Variants in KCNH6 observed in about 807,000 individuals in gnomAD.
KCNH6 encodes the protein voltage-gated inwardly rectifying potassium channel KCNH6.
In KCNH6, 81 loss-of-function variants were observed where a neutral mutation model predicts 83.4. The ratio of observed to expected loss-of-function variants is 0.97; its 90% CI spans 0.81 to 1.17. KCNH6 has a LOEUF of 1.17. Among genes scored for constraint, KCNH6 ranks in the 50% most tolerant of loss-of-function variants. KCNH6 has a pLI of 0.00. For synonymous variants in KCNH6, 503 were observed against 545.6 expected (o/e 0.92, Z 1.09); for missense variants, 1,203 against 1,290.5 (o/e 0.93, Z 1.04).
Position 63,538,610 on chromosome 17 carries a change from C to T in KCNH6, c.1902C>T (p.Ile634=), listed in dbSNP as rs751119593. The T allele has an allele frequency of 1.9e-6, 3 of 1,609,618 alleles. No homozygotes were observed. Among genetic ancestry groups the T allele is most frequent in the Non-Finnish European group, 2.5e-6 (3 of 1,177,348 alleles). The part of the protein sequence containing the change: ...LGDVLSTLYF[I]SRGSIEILRD... ...ACGTGCTCTCCACCCTCTACTTCAT[C>T]TCCCGAGGCTCCATCGAGATCCTGC... is the stretch of plus-strand genomic sequence containing the variant. Residue 634 remains isoleucine, a synonymous_variant, in exon 8 of 13, where the codon ATC becomes ATT. Coordinates refer to ENST00000314672, the MANE Select transcript of KCNH6 (RefSeq NM_001278919.2). The surrounding 1 kb of genome is among the most constrained non-coding windows in gnomAD (Gnocchi z 4.0).
chr17:63,533,756 T>A lies in KCNH6; in HGVS notation c.676-130T>A. On this transcript the variant is annotated intron_variant, in intron 4 of 12. Transcript: ENST00000314672. This position sits in a 1 kb window ranked among gnomAD's most constrained non-coding sequence, Gnocchi z 4.1. Reference sequence around the variant, plus strand: ...CACCCCCCACCCCATCTCTCCCTCATCCCCTCTGCCCACCAGAGCCGTGGT... The same window carrying A: ...CACCCCCCACCCCATCTCTCCCTCAACCCCTCTGCCCACCAGAGCCGTGGT... 4.2e-6 allele frequency: 3 copies of A among 712,036 alleles called. No individual in the cohort carries two copies. Among genetic ancestry groups the A allele is most frequent in the African/African-American group, 1.8e-5 (1 of 56,200 alleles). The allele number at this position is 712,036 out of a possible 1,614,324, so 44.1% of individuals were successfully genotyped here. A position where few individuals can be genotyped will look rare whatever the true frequency, so the allele number is the denominator to read the frequency against.
rs1344588202 is a variant in KCNH6, at chr17:63,523,467, C to T, written c.54C>T (p.Ile18=). The change falls in exon 1 of 13, where the codon ATC becomes ATT. Residue 18 remains isoleucine, a synonymous_variant. Coordinates refer to ENST00000314672, the MANE Select transcript of KCNH6 (RefSeq NM_001278919.2). This position sits in a 1 kb window ranked among gnomAD's most constrained non-coding sequence, Gnocchi z 4.2. ...VAPQNTYLDT[I]IRKFEGQSRK... is the part of the protein sequence containing the mutation. ...CCCAAAACACTTACCTGGACACCAT[C>T]ATCCGCAAGTTCGAGGGCCAAAGTG... 6.2e-7 allele frequency: 1 copy of T among 1,608,002 alleles called. No homozygotes were observed. Among genetic ancestry groups the T allele is most frequent in the Non-Finnish European group, 8.5e-7 (1 of 1,177,252 alleles).
At chr17:63,530,051 C>A in intron 2 of KCNH6, 40 bp from the exon 3 acceptor site, 1 of 1,606,414 alleles carries the variant, frequency 6.2e-7, no homozygotes. Flanking sequence ...GAGGGGACCC[C>A]TTCAGGGCCC....
Position 63,544,275 on chromosome 17 carries a change from G to A in KCNH6, c.2260G>A (p.Asp754Asn), listed in dbSNP as rs1792821081. The change falls in exon 11 of 13, where the codon GAT becomes AAT. Residue 754 changes from aspartate to asparagine, a missense_variant. Transcript: ENST00000314672. ...SDAAPPLSIS[D>N]ASGLWPELLQ... ...TGCAGCCCCTCCCCTGAGCATCTCAGATGCATCTGGCCTCTGGCCTGAGCT... is the reference window on the plus strand; with the variant it reads ...TGCAGCCCCTCCCCTGAGCATCTCAAATGCATCTGGCCTCTGGCCTGAGCT... 1 of 1,599,822 alleles carries A rather than the reference G, an allele frequency of 6.3e-7. No individual in the cohort carries two copies. The highest frequency in any genetic ancestry group is 8.5e-7 in the Non-Finnish European group (1 of 1,172,864).
Position 63,524,260 on chromosome 17 carries a change from C to T in KCNH6, c.198C>T (p.Cys66=), listed in dbSNP as rs754730050. 9.9e-6 allele frequency: 16 copies of T among 1,613,938 alleles called. No homozygotes were observed. Among genetic ancestry groups the T allele is most frequent in the African/African-American group, 1.3e-5 (1 of 74,942 alleles). The change falls in exon 2 of 13, where the codon TGC becomes TGT. Residue 66 remains cysteine (C), a synonymous_variant. Coordinates refer to ENST00000314672, the MANE Select transcript of KCNH6 (RefSeq NM_001278919.2). ...RVEVMQQPCT[C]DFLTGPNTPS... ...AGGTGATGCAGCAACCCTGCACCTG[C>T]GACTTCCTCACAGGCCCCAACACAC...
rs2032364635 is a variant in KCNH6 at position 63,534,653 on chromosome 17, G to C, written c.1101+342G>C. On this transcript the variant is annotated intron_variant, in intron 5 of 12. Coordinates refer to ENST00000314672, the MANE Select transcript of KCNH6 (RefSeq NM_001278919.2). The surrounding 1 kb of genome is among the most constrained non-coding windows in gnomAD (Gnocchi z 5.0). ...CCCTGGAGGAAGAAAGGGATCCCCA[G>C]GCCACTCCCCCAGTGCACCCTGGCT... Among the ~76,000 whole-genome samples the C allele has an allele frequency of 6.6e-6, 1 of 152,040 alleles. No homozygotes were observed. The highest frequency in any genetic ancestry group is 2.1e-4 in the South Asian group (1 of 4,824).
Position 63,534,169 on chromosome 17 carries a change from G to A in KCNH6, c.959G>A (p.Arg320His), listed in dbSNP as rs985921190. ...MFVVDIVINF[R>H]TTYVNTNDEV... ...GTCGTGGACATCGTCATCAACTTCC[G>A]CACCACCTATGTCAACACCAATGAT... The change falls in exon 5 of 13, where the codon CGC (arginine) becomes CAC (histidine). Residue 320 changes from arginine to histidine, a missense_variant. Transcript: ENST00000314672. This position sits in a 1 kb window ranked among gnomAD's most constrained non-coding sequence, Gnocchi z 5.0. The A allele has an allele frequency of 3.7e-6, 6 of 1,601,222 alleles. No homozygotes were observed. Among genetic ancestry groups the A allele is most frequent in the East Asian group, 4.5e-5 (2 of 44,166 alleles).
chr17:63,543,129 C>T (rs2032956681), intron 9 of KCNH6, among the ~76,000 whole-genome samples: 1 of 152,172 alleles, frequency 6.6e-6, no homozygotes, highest in Admixed American at 6.5e-5. Context: ...AAACACAGAG[C>T]CCGGGCTATT....
At chr17:63,528,991 C>T (rs2031906089) in intron 2 of KCNH6, among the ~76,000 whole-genome samples, 3 of 152,242 alleles carry the variant, frequency 2.0e-5, no homozygotes, top group South Asian at 2.1e-4. Context: ...CGCACCACCA[C>T]GCCTGGCTAA....
rs752630789 is a variant in KCNH6 at position 63,538,298 on chromosome 17, G to GT, written c.1701+35dup. On this transcript the variant is annotated intron_variant, in intron 7 of 12. Transcript: ENST00000314672. This position sits in a 1 kb window ranked among gnomAD's most constrained non-coding sequence, Gnocchi z 4.0. ...CGCCGCTCCGGCTAATGCCCCGGGC[G>GT]TGGGGGGGAGCCAAGATCCTGCGGG... 4.7e-5 allele frequency: 72 copies of GT among 1,543,802 alleles called. No individual in the cohort carries two copies. In the Middle Eastern group the frequency reaches 5.2e-4, roughly 11 times the overall value.
At chr17:63,547,958 G>A (rs2033180059), downstream of KCNH6, among the ~76,000 whole-genome samples, 1 of 128,336 alleles carries the variant, frequency 7.8e-6, no homozygotes, top group African/African-American at 3.5e-5. Flanking sequence ...AGCAAGACTC[G>A]GTCTCTTAAA....
chr17:63,529,688 G>T (rs1460043563), intron 2 of KCNH6, among the ~76,000 whole-genome samples: 1 of 152,142 alleles, frequency 6.6e-6, no homozygotes. Context: ...TTGCAGGATG[G>T]GAATATGGGA....
chr17:63,542,753 C>T (rs1343606467), intron 9 of KCNH6, among the ~76,000 whole-genome samples: 1 of 152,190 alleles, frequency 6.6e-6, no homozygotes, highest in Non-Finnish European at 1.5e-5. Context: ...TAGTCAACGG[C>T]AGAGCCAAAA....
chr17:63,543,682 C>T lies in KCNH6; in HGVS notation c.2233+22C>T, dbSNP rs200358477. 6.7e-6 allele frequency: 10 copies of T among 1,492,444 alleles called. No homozygotes were observed. The East Asian group carries it at 2.3e-4, about 34-fold the overall frequency. The allele number at this position is 1,492,444 out of a possible 1,614,324, so 92.5% of individuals were successfully genotyped here. On this transcript the variant is annotated intron_variant, in intron 10 of 12. Coordinates refer to ENST00000314672, the MANE Select transcript of KCNH6 (RefSeq NM_001278919.2). ...TCAGGTGAGCAAAGCCAGCCCCCACCCCCACCAGCCTGTAGCCCCTGCCCA... is the reference window on the plus strand; with the variant it reads ...TCAGGTGAGCAAAGCCAGCCCCCACTCCCACCAGCCTGTAGCCCCTGCCCA...
Position 63,546,239 on chromosome 17 carries a change from CA to C in KCNH6, c.*355del, listed in dbSNP as rs79018117. 0.054 allele frequency: 3,514 copies of C among 65,476 alleles called. 55 individuals are homozygous for C. The highest frequency in any genetic ancestry group is 0.12 in the African/African-American group (2,023 of 17,414). The allele number at this position is 65,476 out of a possible 1,614,324, so 4.1% of individuals were successfully genotyped here. A position where few individuals can be genotyped will look rare whatever the true frequency, so the allele number is the denominator to read the frequency against. ...TGGGTGACAGAGTGAGACTCCAACT[CA>C]AAAAAAAAAAAAAAAAAGATCTTGG... On this transcript the variant is annotated 3_prime_UTR_variant, in exon 13 of 13. Coordinates refer to ENST00000314672, the MANE Select transcript of KCNH6 (RefSeq NM_001278919.2).
At position 63,544,413 on chromosome 17, in the gene KCNH6, T is replaced by C. The variant is rs771002979; in HGVS notation, c.2396+2T>C. On this transcript the variant is annotated splice_donor_variant, in intron 11 of 12. Transcript: ENST00000314672. LOFTEE classifies it high-confidence loss of function. ...GCAGCTCCAGGCCCAGATGAACAGG[T>C]GTGTGTGCTGTGGTCAGGGCTGGGG... is the stretch of plus-strand genomic sequence containing the variant. 1.1e-5 allele frequency: 17 copies of C among 1,556,926 alleles called. No homozygotes were observed. Among genetic ancestry groups the C allele is most frequent in the Non-Finnish European group, 1.5e-5 (17 of 1,153,424 alleles).
At position 63,545,216 on chromosome 17, in the gene KCNH6, G is replaced by T. The variant is rs149263021; in HGVS notation, c.2535G>T (p.Thr845=). The T allele has an allele frequency of 6.8e-6, 11 of 1,613,628 alleles. No homozygotes were observed. In the South Asian group the frequency reaches 7.7e-5, roughly 11 times the overall value. Residue 845 remains threonine, a synonymous_variant, in exon 12 of 13, where the codon ACG becomes ACT. Coordinates refer to ENST00000314672, the MANE Select transcript of KCNH6 (RefSeq NM_001278919.2). The part of the protein sequence containing the change: ...DLALVPIASE[T]TSPGPRLPQG... ...CCTTGGTTCCTATAGCCTCGGAGACGACGAGTCCAGGGCCCAGGCTGCCCC... is the reference window on the plus strand; with the variant it reads ...CCTTGGTTCCTATAGCCTCGGAGACTACGAGTCCAGGGCCCAGGCTGCCCC...
chr17:63,533,884 A>G lies in KCNH6; in HGVS notation c.676-2A>G, dbSNP rs139301538. ...CTGACCTCCCTCGGCCCCCACCCCC[A>G]GGTCCTGTCCCTGGGCGCGGATGTG... On this transcript the variant is annotated splice_acceptor_variant, in intron 4 of 12. Transcript: ENST00000314672. LOFTEE classifies it high-confidence loss of function. This position sits in a 1 kb window ranked among gnomAD's most constrained non-coding sequence, Gnocchi z 4.1. 2.8e-4 allele frequency: 451 copies of G among 1,610,494 alleles called. No individual in the cohort carries two copies. The highest frequency in any genetic ancestry group is 3.2e-4 in the Non-Finnish European group (378 of 1,178,414).
chr17:63,548,561 G>A (rs1349088643), downstream of KCNH6, among the ~76,000 whole-genome samples: 1 of 152,008 alleles, frequency 6.6e-6, no homozygotes, highest in Non-Finnish European at 1.5e-5. Flanking sequence ...AAGGCTTTAA[G>A]GGTTACATCT....
Sources: gnomAD v4.1 joint callset for allele counts (sites outside exome capture counted in the v4.1 genomes callset) on GRCh38, gnomAD v4.1.1 for gene constraint, Gnocchi (gnomAD v3.1) non-coding constraint, MANE v1.5 for transcripts, NCBI Gene and HGNC (gene_info 2026-07-23, HGNC 2026-07-21) for gene names.